NTM: variants seen among roughly 807,000 people sequenced by gnomAD.
The protein encoded by NTM is IgLON family member 2.
A neutral mutation model predicts 42.1 loss-of-function variants in NTM; 13 were observed. The observed-to-expected ratio is 0.31, with a 90% CI of 0.20 to 0.49. The LOEUF is 0.49. Ranked by LOEUF, NTM falls within the 20% of genes least tolerant of loss-of-function variation. The pLI is 0.99. For missense variants in NTM, 373 were observed against 452.8 expected (o/e 0.82, Z 1.60); for synonymous variants, 187 against 179.2 (o/e 1.04, Z -0.35).
At chr11:131,374,882 T>C (rs1442663520) in intron 1 of NTM, among the ~76,000 whole-genome samples, 3 of 152,246 alleles carry the variant, frequency 2.0e-5, no homozygotes, top group African/African-American at 7.2e-5. Flanking sequence ...TCAATCATAG[T>C]AGAGGCACAC....
chr11:131,683,073 G>A (rs1407335852), intron 1 of NTM, among the ~76,000 whole-genome samples: 1 of 152,174 alleles, frequency 6.6e-6, no homozygotes, highest in East Asian at 1.9e-4. Context: ...ACAACCCACA[G>A]TCATCTGCAC....
intron 3 of NTM, among the ~76,000 whole-genome samples, chr11:132,206,100 G>A (rs1399280797): frequency 6.6e-6 from 1 of 152,168 alleles, no homozygotes; most frequent in Non-Finnish European, 1.5e-5. Flanking sequence ...AGAGCCAACA[G>A]TTTAATCCAG....
At chr11:132,250,705 G>C (rs1407317571) in intron 4 of NTM, among the ~76,000 whole-genome samples, 2 of 150,766 alleles carry the variant, frequency 1.3e-5, no homozygotes, top group Non-Finnish European at 2.9e-5. Context: ...TTTTCTAGAA[G>C]TCCTATTTTT....
chr11:131,755,531 C>T (rs766369161), intron 1 of NTM, among the ~76,000 whole-genome samples: 7 of 152,264 alleles, frequency 4.6e-5, no homozygotes, highest in African/African-American at 7.2e-5. Flanking sequence ...AAGTATGTCC[C>T]ATGCAATATT....
chr11:131,992,768 A>G (rs1185119717), intron 2 of NTM, among the ~76,000 whole-genome samples: 2 of 152,180 alleles, frequency 1.3e-5, no homozygotes, highest in Non-Finnish European at 2.9e-5. Flanking sequence ...TCTGGTGCCT[A>G]CACTTGCACT....
chr11:131,688,020 G>T (rs2074125633), intron 1 of NTM, among the ~76,000 whole-genome samples: 1 of 152,204 alleles, frequency 6.6e-6, no homozygotes, highest in Admixed American at 6.5e-5. Flanking sequence ...TGGTGTGATA[G>T]CCTCCCAGGA....
chr11:131,646,261 C>T (rs1003302882), intron 1 of NTM, among the ~76,000 whole-genome samples: 1 of 152,190 alleles, frequency 6.6e-6, no homozygotes, highest in African/African-American at 2.4e-5. Context: ...AACAGCAGAG[C>T]TGAATAGTTG....
rs541482073 is a variant in NTM, at chr11:131,495,217, C to G, written c.82+124329C>G. On this transcript the variant is annotated intron_variant, in intron 1 of 8. Transcript: ENST00000683400. The stretch of plus-strand genomic sequence containing the variant: ...TAGCCGCTAGTTCCCAGCATGGTCC[C>G]AGGGGACAGCCAGCACAACCTGCCA... Among the ~76,000 whole-genome samples, 16 of 152,290 alleles carry G rather than the reference C, an allele frequency of 1.1e-4. No individual in the cohort carries two copies. In the East Asian group the frequency reaches 3.1e-3, roughly 29 times the overall value.
chr11:132,185,419 G>A (rs2138133222), intron 3 of NTM, among the ~76,000 whole-genome samples: 1 of 152,268 alleles, frequency 6.6e-6, no homozygotes, highest in South Asian at 2.1e-4. Flanking sequence ...GATAAGCCCT[G>A]CATTTATAAT....
At chr11:131,878,424 A>C in intron 1 of NTM, among the ~76,000 whole-genome samples, 1 of 150,838 alleles carries the variant, frequency 6.6e-6, no homozygotes, top group African/African-American at 2.4e-5. Flanking sequence ...AAACTACAAA[A>C]ATTTGCTAGG....
intron 1 of NTM, among the ~76,000 whole-genome samples, chr11:131,381,393 C>T (rs1942660588): frequency 6.6e-6 from 1 of 152,126 alleles, no homozygotes. Context: ...CTTTTTTTCT[C>T]AATGCAACTG....
chr11:132,176,055 C>A (rs1353632608), intron 3 of NTM, among the ~76,000 whole-genome samples: 1 of 152,090 alleles, frequency 6.6e-6, no homozygotes, highest in Non-Finnish European at 1.5e-5. Flanking sequence ...ATGCTTGACA[C>A]TAAAGAAAGG....
intron 1 of NTM, among the ~76,000 whole-genome samples, chr11:131,783,467 G>T (rs1356370885): frequency 3.3e-5 from 5 of 152,114 alleles, no homozygotes; most frequent in African/African-American, 1.2e-4. Flanking sequence ...GGAATTGACA[G>T]TCTGACTCAA....
chr11:131,735,165 G>A (rs762249020), intron 1 of NTM, among the ~76,000 whole-genome samples: 2 of 152,168 alleles, frequency 1.3e-5, no homozygotes, highest in African/African-American at 2.4e-5. Flanking sequence ...AAAAGCAAAC[G>A]TTTTCATAAT....
intron 1 of NTM, among the ~76,000 whole-genome samples, chr11:131,378,221 T>C (rs1942218727): frequency 6.6e-6 from 1 of 152,210 alleles, no homozygotes; most frequent in South Asian, 2.1e-4. Flanking sequence ...TCTAAAGCCA[T>C]CTGAACATGT....
intron 1 of NTM, among the ~76,000 whole-genome samples, chr11:131,750,727 T>C (rs908780186): frequency 2.6e-5 from 4 of 152,214 alleles, no homozygotes; most frequent in Non-Finnish European, 5.9e-5. Context: ...ATCATCTCAG[T>C]CACTCTCATT....
intron 4 of NTM, among the ~76,000 whole-genome samples, chr11:132,228,168 G>A (rs571055258): frequency 6.6e-6 from 1 of 152,288 alleles, no homozygotes; most frequent in African/African-American, 2.4e-5. Context: ...CCACAGAAAT[G>A]TGGACAAACA....
intron 1 of NTM, among the ~76,000 whole-genome samples, chr11:131,482,466 C>A (rs1000416078): frequency 6.6e-6 from 1 of 152,190 alleles, no homozygotes; most frequent in Non-Finnish European, 1.5e-5. Flanking sequence ...TTGCTTTTAC[C>A]TGTTTGGCTC....
chr11:131,391,145 C>T lies in NTM; in HGVS notation c.82+20257C>T, dbSNP rs148620543. ...ATATTTTATTTAATCTTTCCCTGAA[C>T]CTTGTGAGGTAGGGGTTGTAGATAG... is the stretch of plus-strand genomic sequence containing the variant. On this transcript the variant is annotated intron_variant, in intron 1 of 8. Coordinates refer to ENST00000683400, the MANE Select transcript of NTM (RefSeq NM_001352005.2). Among the ~76,000 whole-genome samples, 1,010 of 152,280 alleles carry T rather than the reference C, an allele frequency of 6.6e-3. 5 individuals carry two copies. The highest frequency in any genetic ancestry group is 0.011 in the Non-Finnish European group (744 of 68,014).
Sources: allele counts gnomAD v4.1 joint callset (sites outside exome capture counted in the v4.1 genomes callset), GRCh38; gene constraint gnomAD v4.1.1; transcripts MANE v1.5; gene names NCBI Gene and HGNC (gene_info 2026-07-23, HGNC 2026-07-21).